Variants in PPCDC observed in about 807,000 individuals in gnomAD.
The protein encoded by PPCDC is phosphopantothenoylcysteine decarboxylase.
A neutral mutation model predicts 20.7 loss-of-function variants in PPCDC; 20 were observed. That is an observed-to-expected ratio of 0.97 (90% CI 0.68 to 1.41). The LOEUF (loss-of-function observed/expected upper bound fraction) is 1.41, where lower values mean the gene tolerates loss of function less well. PPCDC is among the 40% of genes most tolerant of loss of function. The pLI is 0.00. For synonymous variants in PPCDC, 88 were observed against 100.3 expected (o/e 0.88, Z 0.73); for missense variants, 246 against 263.8 (o/e 0.93, Z 0.47).
chr15:75,037,381 T>A (rs1337708338), intron 2 of PPCDC, among the ~76,000 whole-genome samples: 1 of 152,148 alleles, frequency 6.6e-6, no homozygotes, highest in Admixed American at 6.5e-5. Context: ...GGCTGTTTTA[T>A]GTATTTGGAA....
At chr15:75,027,206 A>G (rs1178281264) in intron 1 of PPCDC, among the ~76,000 whole-genome samples, 1 of 152,074 alleles carries the variant, frequency 6.6e-6, no homozygotes, top group Non-Finnish European at 1.5e-5. Context: ...TGTCTTCTCA[A>G]ACTCAACCTA....
chr15:75,031,107 A>G (rs572858836), intron 2 of PPCDC, among the ~76,000 whole-genome samples: 41 of 152,214 alleles, frequency 2.7e-4, no homozygotes, highest in Middle Eastern at 6.8e-3. Flanking sequence ...TCTTATCCAC[A>G]CAGTGAAGGA....
chr15:75,046,521 C>T lies in PPCDC; in HGVS notation c.360+2007C>T, dbSNP rs1261233056. 2.6e-5 allele frequency among the ~76,000 whole-genome samples: 4 copies of T among 152,262 alleles called. No individual in the cohort carries two copies. The South Asian group carries it at 6.2e-4, about 24-fold the overall frequency. Reference sequence around the variant, plus strand: ...ATCACTTCATGAAATCCCTGGGCTTCCCTCCTCCAGAGTTGGCTGGGAAGT... The same window carrying T: ...ATCACTTCATGAAATCCCTGGGCTTTCCTCCTCCAGAGTTGGCTGGGAAGT... On this transcript the variant is annotated intron_variant, in intron 4 of 5. Transcript: ENST00000342932.
intron 1 of PPCDC, among the ~76,000 whole-genome samples, chr15:75,027,713 C>T (rs374710605): frequency 1.3e-5 from 2 of 152,126 alleles, no homozygotes; most frequent in African/African-American, 4.8e-5. Context: ...GTGCCAGCAC[C>T]GTCTTTCTAA....
chr15:75,032,561 T>C (rs566654843), intron 2 of PPCDC, among the ~76,000 whole-genome samples: 1 of 152,244 alleles, frequency 6.6e-6, no homozygotes, highest in Non-Finnish European at 1.5e-5. Context: ...GCAAACAAAA[T>C]ATCCAGCAGT....
At chr15:75,030,868 C>T (rs560451202) in intron 2 of PPCDC, among the ~76,000 whole-genome samples, 6 of 152,054 alleles carry the variant, frequency 3.9e-5, no homozygotes, top group Non-Finnish European at 8.8e-5. Context: ...CCAGACATCC[C>T]GGGAAAGCCG....
At chr15:75,026,587 C>T (rs1197530854) in intron 1 of PPCDC, among the ~76,000 whole-genome samples, 1 of 152,172 alleles carries the variant, frequency 6.6e-6, no homozygotes, top group African/African-American at 2.4e-5. Flanking sequence ...AAATCCTGGG[C>T]AGAGAGGCTA....
intron 2 of PPCDC, among the ~76,000 whole-genome samples, chr15:75,033,262 T>C (rs2066045305): frequency 6.6e-6 from 1 of 152,248 alleles, no homozygotes; most frequent in African/African-American, 2.4e-5. Flanking sequence ...TTCGTGCTAC[T>C]ACAGAGTTAA....
chr15:75,026,706 G>A (rs1425730237), intron 1 of PPCDC, among the ~76,000 whole-genome samples: 1 of 152,188 alleles, frequency 6.6e-6, no homozygotes, highest in Non-Finnish European at 1.5e-5. Context: ...CAGCTGCCTG[G>A]GTTTCCCTTG....
At chr15:75,035,582 A>C (rs145331250) in intron 2 of PPCDC, among the ~76,000 whole-genome samples, 8 of 152,342 alleles carry the variant, frequency 5.3e-5, no homozygotes, top group African/African-American at 1.9e-4. Context: ...TACATGCTAG[A>C]TAAAATGCAG....
At chr15:75,034,503 G>T (rs1473210126) in intron 2 of PPCDC, among the ~76,000 whole-genome samples, 1 of 152,150 alleles carries the variant, frequency 6.6e-6, no homozygotes, top group East Asian at 1.9e-4. Context: ...TCCCTTGGGG[G>T]TTTTGTTAAG....
intron 2 of PPCDC, among the ~76,000 whole-genome samples, chr15:75,032,794 A>G (rs918010189): frequency 5.1e-5 from 7 of 137,634 alleles, no homozygotes; most frequent in African/African-American, 1.3e-4. Flanking sequence ...TGATTTTTAC[A>G]TTTTAATTTT....
chr15:75,049,019 G>A, intron 5 of PPCDC, 131 bp from the exon 6 acceptor site: 3 of 904,254 alleles, frequency 3.3e-6, no homozygotes, highest in Non-Finnish European at 5.3e-6. Context: ...TGATGTGTCT[G>A]GCTCAGGCAA....
At chr15:75,046,789 T>C (rs1372503033) in intron 4 of PPCDC, among the ~76,000 whole-genome samples, 4 of 152,258 alleles carry the variant, frequency 2.6e-5, no homozygotes, top group African/African-American at 4.8e-5. Flanking sequence ...GAGGGCAGCA[T>C]GCTAGGTGTG....
At chr15:75,025,667 C>A (rs1171200439) in intron 1 of PPCDC, among the ~76,000 whole-genome samples, 2 of 152,164 alleles carry the variant, frequency 1.3e-5, no homozygotes, top group African/African-American at 2.4e-5. Flanking sequence ...CACTTGCCAA[C>A]TCTTTTTGCT....
chr15:75,028,987 T>A (rs903711813), intron 2 of PPCDC, among the ~76,000 whole-genome samples: 1 of 152,124 alleles, frequency 6.6e-6, no homozygotes, highest in African/African-American at 2.4e-5. Context: ...CCCCCGACTG[T>A]GTGCTGGGGT....
chr15:75,028,124 C>T, intron 1 of PPCDC, 123 bp from the exon 2 acceptor site: 1 of 661,286 alleles, frequency 1.5e-6, no homozygotes, highest in Non-Finnish European at 2.5e-6. Context: ...TGTGTGCTCC[C>T]TGAAGCCAGG....
chr15:75,047,738 G>A (rs983224123), intron 4 of PPCDC, among the ~76,000 whole-genome samples: 1 of 152,244 alleles, frequency 6.6e-6, no homozygotes, highest in Non-Finnish European at 1.5e-5. Context: ...AGGAAGCCAG[G>A]CCCTGGCCTT....
chr15:75,045,671 G>C (rs1018843285), intron 4 of PPCDC, among the ~76,000 whole-genome samples: 1 of 152,088 alleles, frequency 6.6e-6, no homozygotes, highest in African/African-American at 2.4e-5. Flanking sequence ...CACAGGGTGA[G>C]CAGAAGAACA....
Sources: allele counts gnomAD v4.1 joint callset (sites outside exome capture counted in the v4.1 genomes callset), GRCh38; gene constraint gnomAD v4.1.1; transcripts MANE v1.5; gene names NCBI Gene and HGNC (gene_info 2026-07-23, HGNC 2026-07-21).